The following TDRD6 variants were observed in gnomAD, a reference collection of about 807,000 sequenced individuals.
TDRD6 encodes tudor domain-containing protein 6.
Under a neutral mutation model 157.5 loss-of-function variants are expected in TDRD6, and 186 were observed. The observed-to-expected ratio is 1.18, with a 90% CI of 1.05 to 1.33. The LOEUF (loss-of-function observed/expected upper bound fraction) is 1.33. Among genes scored for constraint, TDRD6 ranks in the 40% most tolerant of loss-of-function variants. The probability of loss-of-function intolerance (pLI) is 0.00; values close to 1 mark genes in which losing one functional copy is unlikely to be tolerated. For synonymous variants in TDRD6, 1,075 were observed against 945.2 expected (o/e 1.14, Z -2.52); for missense variants, 3,066 against 2,508.0 (o/e 1.22, Z -4.75).
At position 46,703,306 on chromosome 6, in the gene TDRD6, G is replaced by A. The variant is rs1299538698; in HGVS notation, c.*1419G>A. 6.6e-6 allele frequency: 1 copy of A among 151,962 alleles called. No individual in the cohort carries two copies. Among genetic ancestry groups the A allele is most frequent in the Non-Finnish European group, 1.5e-5 (1 of 67,954 alleles). 9.4% of individuals were successfully genotyped at this position (151,962 alleles called of 1,614,324 possible). A position where few individuals can be genotyped will look rare whatever the true frequency, so the allele number is the denominator to read the frequency against. ...ATTTCCGTAAGTAGAAGGGAGAGAG[G>A]TTTGCATTAAAAGTAATTGAGGTAG... On this transcript the variant is annotated 3_prime_UTR_variant, in exon 4 of 4. Coordinates refer to ENST00000316081, the MANE Select transcript of TDRD6 (RefSeq NM_001010870.3).
Position 46,688,311 on chromosome 6 carries a change from G to T in TDRD6, c.183G>T (p.Ala61=), listed in dbSNP as rs183718463. The T allele has an allele frequency of 7.9e-6, 12 of 1,515,012 alleles. No individual in the cohort carries two copies. Among genetic ancestry groups the T allele is most frequent in the Non-Finnish European group, 7.0e-6 (8 of 1,137,576 alleles). The allele number at this position is 1,515,012 out of a possible 1,614,324, so 93.8% of individuals were successfully genotyped here. ...QEAAATRGQW[A]LGSASASPGE... ...CGGCGGCCACGCGCGGCCAGTGGGC[G>T]CTGGGCAGCGCCTCGGCCTCGCCCG... is the stretch of plus-strand genomic sequence containing the variant. Residue 61 remains alanine, a synonymous_variant, in exon 1 of 4, where the codon GCG becomes GCT. Coordinates refer to ENST00000316081, the MANE Select transcript of TDRD6 (RefSeq NM_001010870.3).
chr6:46,690,018 C>G lies in TDRD6; in HGVS notation c.1890C>G (p.Val630=). Reference sequence around the variant, plus strand: ...AGACTGTGCTCCACAAAGAATTAGTCATCCATATTCTTGATAAACAGGATC... The same window carrying G: ...AGACTGTGCTCCACAAAGAATTAGTGATCCATATTCTTGATAAACAGGATC... ...FKKTVLHKEL[V]IHILDKQDHQ... Residue 630 remains valine (V), a synonymous_variant, in exon 1 of 4, where the codon GTC becomes GTG. Transcript: ENST00000316081. The G allele has an allele frequency of 6.2e-7, 1 of 1,613,724 alleles. No individual in the cohort carries two copies. The highest frequency in any genetic ancestry group is 8.5e-7 in the Non-Finnish European group (1 of 1,179,820).
upstream of TDRD6, among the ~76,000 whole-genome samples, chr6:46,683,940 C>T (rs925327657): frequency 6.6e-6 from 1 of 152,094 alleles, no homozygotes; most frequent in Non-Finnish European, 1.5e-5. Context: ...TTAATGCAAA[C>T]ATGTTAACTG....
intron 1 of TDRD6, 25 bp downstream of exon 1, chr6:46,694,199 A>C (rs200816573): frequency 2.8e-4 from 351 of 1,265,632 alleles, no homozygotes; most frequent in African/African-American, 2.6e-3. Context: ...TTTCCTTTTT[A>C]CTTTTTTTTT....
chr6:46,694,050 A>G lies in TDRD6; in HGVS notation c.5922A>G (p.Ile1974Met), dbSNP rs1764428140. The change falls in exon 1 of 4, where the codon ATA becomes ATG. Residue 1974 changes from isoleucine (I) to methionine (M), a missense_variant. Coordinates refer to ENST00000316081, the MANE Select transcript of TDRD6 (RefSeq NM_001010870.3). ...CTAAAACACAGAATGAAATGAATAT[A>G]TGTGAAGAAGAATTTGTAGAGTATA... The part of the protein sequence containing the change: ...CDPKTQNEMN[I>M]CEEEFVEYKN... 1 of 1,614,000 alleles carries G rather than the reference A, an allele frequency of 6.2e-7. No homozygotes were observed. The highest frequency in any genetic ancestry group is 1.1e-5 in the South Asian group (1 of 91,022).
In TDRD6 at chr6:46,691,236, T is replaced by G. The variant is rs145660951; in HGVS notation, c.3108T>G (p.Pro1036=). 3 of 1,614,060 alleles carry G rather than the reference T, an allele frequency of 1.9e-6. No individual in the cohort carries two copies. Among genetic ancestry groups the G allele is most frequent in the Non-Finnish European group, 2.5e-6 (3 of 1,179,940 alleles). The part of the protein sequence containing the change: ...LLNLKTSPLN[P]GTLCLAKYTD... ...ATTTAAAAACATCTCCCTTGAACCC[T>G]GGAACCTTGTGCCTTGCCAAGTATA... Residue 1036 remains proline, a synonymous_variant, in exon 1 of 4, where the codon CCT becomes CCG. Coordinates refer to ENST00000316081, the MANE Select transcript of TDRD6 (RefSeq NM_001010870.3).
In TDRD6 at chr6:46,691,979, C is replaced by T; in HGVS notation, c.3851C>T (p.Ser1284Leu). Residue 1284 changes from serine to leucine, a missense_variant, in exon 1 of 4, where the codon TCA becomes TTA. Physicochemically the swap from Ser to Leu is moderately radical, Grantham distance 145. Coordinates refer to ENST00000316081, the MANE Select transcript of TDRD6 (RefSeq NM_001010870.3). ...ATLSERKIGD[S>L]CDKDLPLKFC... ...CTTTCAGAGAGAAAAATAGGAGATT[C>T]ATGTGACAAAGATTTGCCTCTGAAA... 1 of 1,613,796 alleles carries T rather than the reference C, an allele frequency of 6.2e-7. No individual in the cohort carries two copies. The highest frequency in any genetic ancestry group is 8.5e-7 in the Non-Finnish European group (1 of 1,179,926).
chr6:46,694,011 A>C lies in TDRD6; in HGVS notation c.5883A>C (p.Gly1961=). The C allele has an allele frequency of 6.2e-7, 1 of 1,614,010 alleles. No homozygotes were observed. The highest frequency in any genetic ancestry group is 8.5e-7 in the Non-Finnish European group (1 of 1,179,982). The change falls in exon 1 of 4, where the codon GGA becomes GGC. Residue 1961 remains glycine (G), a synonymous_variant. Coordinates refer to ENST00000316081, the MANE Select transcript of TDRD6 (RefSeq NM_001010870.3). ...DQRRMSLHLH[G]ADCDPKTQNE... is the part of the protein sequence containing the mutation. ...GCAGGATGTCATTGCATCTACATGG[A>C]GCAGATTGTGATCCTAAAACACAGA... is the stretch of plus-strand genomic sequence containing the variant.
At position 46,693,296 on chromosome 6, in the gene TDRD6, A is replaced by T. The variant is rs1451800509; in HGVS notation, c.5168A>T (p.Tyr1723Phe). The T allele has an allele frequency of 3.1e-6, 5 of 1,611,618 alleles. No homozygotes were observed. Among genetic ancestry groups the T allele is most frequent in the Non-Finnish European group, 4.2e-6 (5 of 1,179,442 alleles). The change falls in exon 1 of 4, where the codon TAC becomes TTC. Residue 1723 changes from tyrosine to phenylalanine, a missense_variant. By Grantham distance (22) the Tyr-to-Phe change is conservative. Transcript: ENST00000316081. ...GAGATAAAGCAGACTCTTGGGTCCT[A>T]CAATCTTGATGTAGGACTTAAGAAA... is the stretch of plus-strand genomic sequence containing the variant. ...DSEIKQTLGS[Y>F]NLDVGLKKLS...
In TDRD6 at chr6:46,694,048, A is replaced by G; in HGVS notation, c.5920A>G (p.Ile1974Val). Residue 1974 changes from isoleucine to valine, a missense_variant, in exon 1 of 4, where the codon ATA becomes GTA. By Grantham distance (29) the Ile-to-Val change is conservative. Coordinates refer to ENST00000316081, the MANE Select transcript of TDRD6 (RefSeq NM_001010870.3). ...TCCTAAAACACAGAATGAAATGAATATATGTGAAGAAGAATTTGTAGAGTA... is the reference window on the plus strand; with the variant it reads ...TCCTAAAACACAGAATGAAATGAATGTATGTGAAGAAGAATTTGTAGAGTA... ...CDPKTQNEMN[I>V]CEEEFVEYKN... is the part of the protein sequence containing the mutation. 3 of 1,614,044 alleles carry G rather than the reference A, an allele frequency of 1.9e-6. No homozygotes were observed. Among genetic ancestry groups the G allele is most frequent in the South Asian group, 2.2e-5 (2 of 91,028 alleles).
In TDRD6 at chr6:46,692,016, C is replaced by T; in HGVS notation, c.3888C>T (p.Phe1296=). 1 of 1,613,762 alleles carries T rather than the reference C, an allele frequency of 6.2e-7. No homozygotes were observed. The highest frequency in any genetic ancestry group is 8.5e-7 in the Non-Finnish European group (1 of 1,179,906). ...ATTTGCCTCTGAAATTTTGTGAGTTCCCACAGAAGACTATAATGCCTGGAT... is the reference window on the plus strand; with the variant it reads ...ATTTGCCTCTGAAATTTTGTGAGTTTCCACAGAAGACTATAATGCCTGGAT... ...DKDLPLKFCE[F]PQKTIMPGFK... Residue 1296 remains phenylalanine, a synonymous_variant, in exon 1 of 4, where the codon TTC becomes TTT. Coordinates refer to ENST00000316081, the MANE Select transcript of TDRD6 (RefSeq NM_001010870.3).
Position 46,697,994 on chromosome 6 carries a change from G to A in TDRD6, c.6172-4G>A, listed in dbSNP as rs762321272. 8.2e-6 allele frequency: 13 copies of A among 1,578,700 alleles called. No individual in the cohort carries two copies. The Admixed American group carries it at 2.1e-4, about 25-fold the overall frequency. ...ACTTTAAAAAAATTTGTTTTCTCCT[G>A]TAGGTTTTGAACCTTTCAAATGGTA... On this transcript the variant is annotated splice_polypyrimidine_tract_variant and splice_region_variant and intron_variant, in intron 2 of 3. Coordinates refer to ENST00000316081, the MANE Select transcript of TDRD6 (RefSeq NM_001010870.3).
chr6:46,691,063 A>G lies in TDRD6; in HGVS notation c.2935A>G (p.Thr979Ala), dbSNP rs1280287914. ...TCAGCTACATTCCTACTTCTATTCT[A>G]CACATGATATGAAAATTGGAAGTGA... ...SVQLHSYFYS[T>A]HDMKIGSEEL... The change falls in exon 1 of 4, where the codon ACA becomes GCA. Residue 979 changes from threonine (T) to alanine (A), a missense_variant. Thr to Ala is a moderately conservative substitution (Grantham distance 58). Transcript: ENST00000316081. 9.3e-6 allele frequency: 15 copies of G among 1,613,856 alleles called. No homozygotes were observed. The highest frequency in any genetic ancestry group is 1.3e-5 in the Non-Finnish European group (15 of 1,179,880).
rs777197011 is a variant in TDRD6 at position 46,689,377 on chromosome 6, C to T, written c.1249C>T (p.His417Tyr). The change falls in exon 1 of 4, where the codon CAT (histidine) becomes TAT (tyrosine). Residue 417 changes from histidine to tyrosine, a missense_variant. By Grantham distance (83) the His-to-Tyr change is moderately conservative. Coordinates refer to ENST00000316081, the MANE Select transcript of TDRD6 (RefSeq NM_001010870.3). Reference sequence around the variant, plus strand: ...GATTGAATTTTATTGCTCCTTTGAGCATGTGTATTATGTCAGCCTGTATGG... The same window carrying T: ...GATTGAATTTTATTGCTCCTTTGAGTATGTGTATTATGTCAGCCTGTATGG... Reference protein sequence around the residue: ...AKIEFYCSFEHVYYVSLYGED... With the variant: ...AKIEFYCSFEYVYYVSLYGED... 25 of 1,613,806 alleles carry T rather than the reference C, an allele frequency of 1.5e-5. No individual in the cohort carries two copies. Among genetic ancestry groups the T allele is most frequent in the Non-Finnish European group, 2.1e-5 (25 of 1,180,030 alleles).
In TDRD6 at chr6:46,692,752, G is replaced by A. The variant is rs1334515874; in HGVS notation, c.4624G>A (p.Glu1542Lys). 1.4e-5 allele frequency: 23 copies of A among 1,614,082 alleles called. No homozygotes were observed. Among genetic ancestry groups the A allele is most frequent in the Non-Finnish European group, 1.9e-5 (22 of 1,180,036 alleles). The change falls in exon 1 of 4, where the codon GAG (glutamate) becomes AAG (lysine). Residue 1542 changes from glutamate to lysine, a missense_variant. Physicochemically the swap from Glu to Lys is moderately conservative, Grantham distance 56 (BLOSUM62 1). Coordinates refer to ENST00000316081, the MANE Select transcript of TDRD6 (RefSeq NM_001010870.3). ...EYFWCQFADT[E>K]KLQCLEVEVQ... Reference sequence around the variant, plus strand: ...CTTTTGGTGTCAGTTTGCTGATACGGAGAAACTTCAGTGTTTAGAAGTAGA... The same window carrying A: ...CTTTTGGTGTCAGTTTGCTGATACGAAGAAACTTCAGTGTTTAGAAGTAGA...
In TDRD6 at chr6:46,693,094, G is replaced by A. The variant is rs1764388684; in HGVS notation, c.4966G>A (p.Glu1656Lys). 1.2e-6 allele frequency: 2 copies of A among 1,613,748 alleles called. No individual in the cohort carries two copies. The highest frequency in any genetic ancestry group is 2.7e-5 in the African/African-American group (2 of 74,908). ...CSQEGNDYFY[E>K]IITEDVLEIT... ...TCAAGAGGGAAATGACTATTTCTAT[G>A]AAATAATAACAGAAGATGTGTTGGA... The change falls in exon 1 of 4, where the codon GAA becomes AAA. Residue 1656 changes from glutamate to lysine, a missense_variant. Transcript: ENST00000316081.
rs545437928 is a variant in TDRD6, at chr6:46,696,766, G to A, written c.6171+821G>A. 2.4e-4 allele frequency among the ~76,000 whole-genome samples: 35 copies of A among 148,744 alleles called. No individual in the cohort carries two copies. In the East Asian group the frequency reaches 4.9e-3, roughly 21 times the overall value. On this transcript the variant is annotated intron_variant, in intron 2 of 3. Transcript: ENST00000316081. ...AGCTGGGACTACAGGCGCCCACCAC[G>A]ACGCCCAGCTAATTTTTTGTATTTT...
intron 3 of TDRD6, among the ~76,000 whole-genome samples, chr6:46,698,830 G>C (rs1764556475): frequency 6.6e-6 from 1 of 152,156 alleles, no homozygotes; most frequent in Non-Finnish European, 1.5e-5. Flanking sequence ...TTAAAATCTG[G>C]AGAATGTTGA....
upstream of TDRD6, among the ~76,000 whole-genome samples, chr6:46,686,735 C>T (rs936872466): frequency 6.6e-6 from 1 of 152,182 alleles, no homozygotes; most frequent in Non-Finnish European, 1.5e-5. Flanking sequence ...ATATTCATTG[C>T]CTTCACTCCA....
Sources: allele counts gnomAD v4.1 joint callset (sites outside exome capture counted in the v4.1 genomes callset), GRCh38; gene constraint gnomAD v4.1.1; transcripts MANE v1.5; gene names NCBI Gene and HGNC (gene_info 2026-07-23, HGNC 2026-07-21).